Variants in LRRC49 observed in about 807,000 individuals in gnomAD.
LRRC49 encodes leucine-rich repeat-containing protein 49.
In LRRC49, 50 loss-of-function variants were observed where a neutral mutation model predicts 83.3. That is an observed-to-expected ratio of 0.60 (90% CI 0.48 to 0.76). The LOEUF is 0.76. Among genes scored for constraint, LRRC49 ranks in the 30% least tolerant of loss-of-function variants. The probability of loss-of-function intolerance (pLI) is 0.00; values close to 1 mark genes in which losing one functional copy is unlikely to be tolerated. For synonymous variants in LRRC49, 286 were observed against 283.3 expected, an observed-to-expected ratio of 1.01 and a Z score of -0.10; for missense variants, 704 against 809.1, an observed-to-expected ratio of 0.87 and a Z score of 1.58.
intron 8 of LRRC49, among the ~76,000 whole-genome samples, chr15:70,945,813 A>T (rs920384716): frequency 6.6e-6 from 1 of 152,126 alleles, no homozygotes; most frequent in Non-Finnish European, 1.5e-5. Flanking sequence ...TCTGGAAGTG[A>T]AACAGTTAGG....
intron 8 of LRRC49, among the ~76,000 whole-genome samples, chr15:70,959,723 T>C (rs575920264): frequency 3.9e-5 from 6 of 152,280 alleles, no homozygotes; most frequent in Admixed American, 3.9e-4. Context: ...AGGTTATTTA[T>C]AGATATCAAC....
Position 71,008,634 on chromosome 15 carries a change from G to A in LRRC49, c.1407+18G>A, listed in dbSNP as rs529702898. On this transcript the variant is annotated intron_variant, in intron 12 of 15. Transcript: ENST00000260382. ...ATTCTCTGGTAAATATTTCCTTTTAGTAGTATATTTGAATATTCTTAGTCA... is the reference window on the plus strand; with the variant it reads ...ATTCTCTGGTAAATATTTCCTTTTAATAGTATATTTGAATATTCTTAGTCA... 3.4e-5 allele frequency: 53 copies of A among 1,557,212 alleles called. No individual in the cohort carries two copies. The highest frequency in any genetic ancestry group is 4.2e-5 in the Non-Finnish European group (48 of 1,130,134).
At chr15:71,033,201 A>G (rs1203645637) in intron 14 of LRRC49, among the ~76,000 whole-genome samples, 1 of 152,238 alleles carries the variant, frequency 6.6e-6, no homozygotes, top group Non-Finnish European at 1.5e-5. Flanking sequence ...AATTGCAAGC[A>G]TTCCTACACA....
chr15:70,929,087 T>G (rs1394038377), intron 7 of LRRC49, among the ~76,000 whole-genome samples: 1 of 152,240 alleles, frequency 6.6e-6, no homozygotes, highest in Non-Finnish European at 1.5e-5. Flanking sequence ...AACTTTATCC[T>G]CAATTTATCT....
At chr15:70,937,952 AT>A (rs983616595) in intron 8 of LRRC49, among the ~76,000 whole-genome samples, 2 of 151,790 alleles carry the variant, frequency 1.3e-5, no homozygotes, top group African/African-American at 2.4e-5. Context: ...AGGGTCACTC[AT>A]TTTTTTTAGG....
intron 2 of LRRC49, among the ~76,000 whole-genome samples, chr15:70,879,205 CT>C (rs1402933388): frequency 6.6e-6 from 1 of 152,116 alleles, no homozygotes; most frequent in Non-Finnish European, 1.5e-5. Flanking sequence ...CCATTTGGTT[CT>C]TTTTTTAGTT....
chr15:70,866,928 C>A (rs2032926096), intron 1 of LRRC49, among the ~76,000 whole-genome samples: 1 of 151,768 alleles, frequency 6.6e-6, no homozygotes, highest in Non-Finnish European at 1.5e-5. Context: ...GGCCTGAACT[C>A]CAGATCGACT....
intron 13 of LRRC49, 22 bp from the exon 14 acceptor site, chr15:71,012,782 C>G (rs373712170): frequency 7.1e-7 from 1 of 1,398,666 alleles, no homozygotes; most frequent in Admixed American, 1.8e-5. Context: ...TTTTTTTACC[C>G]CTTTCTATTG....
At chr15:71,035,167 G>C (rs2039480691) in intron 14 of LRRC49, among the ~76,000 whole-genome samples, 1 of 151,860 alleles carries the variant, frequency 6.6e-6, no homozygotes, top group Non-Finnish European at 1.5e-5. Context: ...TATCACAATT[G>C]ATTTTTATTC....
At chr15:70,931,407 A>G (rs2035401743) in intron 7 of LRRC49, among the ~76,000 whole-genome samples, 1 of 152,170 alleles carries the variant, frequency 6.6e-6, no homozygotes, top group Admixed American at 6.5e-5. Context: ...GGATAATCAT[A>G]ACAAATATAA....
intron 9 of LRRC49, among the ~76,000 whole-genome samples, chr15:70,978,502 A>G (rs776596258): frequency 8.5e-5 from 13 of 152,198 alleles, no homozygotes; most frequent in Non-Finnish European, 1.6e-4. Flanking sequence ...CTATCTCACA[A>G]TGTGTCTTGG....
chr15:71,020,103 A>T (rs1007997382), intron 14 of LRRC49, among the ~76,000 whole-genome samples: 2 of 152,186 alleles, frequency 1.3e-5, no homozygotes, highest in Non-Finnish European at 2.9e-5. Context: ...AGAGAATAAG[A>T]AATTGCAAAA....
At chr15:70,886,741 C>G (rs746427864) in intron 2 of LRRC49, among the ~76,000 whole-genome samples, 1 of 152,002 alleles carries the variant, frequency 6.6e-6, no homozygotes, top group Admixed American at 6.5e-5. Flanking sequence ...TGGCAGGCAC[C>G]TGTAATCCCA....
At chr15:70,859,054 GC>G in intron 1 of LRRC49, 1 of 1,498,576 alleles carries the variant, frequency 6.7e-7, no homozygotes, top group Non-Finnish European at 9.3e-7. Flanking sequence ...TCCTGGAGCA[GC>G]AGAACAAGAT....
chr15:70,853,991 T>A, intron 1 of LRRC49: 1 of 1,464,712 alleles, frequency 6.8e-7, no homozygotes, highest in Non-Finnish European at 9.1e-7. Context: ...CTCCTCCTCG[T>A]CCTCCAACTC....
chr15:70,999,814 G>A (rs1177625560), intron 11 of LRRC49, among the ~76,000 whole-genome samples: 1 of 152,096 alleles, frequency 6.6e-6, no homozygotes, highest in Non-Finnish European at 1.5e-5. Context: ...ACTATCCTTT[G>A]TCCAATGTGG....
intron 14 of LRRC49, among the ~76,000 whole-genome samples, chr15:71,034,031 AAAGGGG>A: frequency 6.6e-6 from 1 of 152,334 alleles, no homozygotes; most frequent in Non-Finnish European, 1.5e-5. Flanking sequence ...AAAAATTGAC[AAAGGGG>A]ATCTAAACAA....
upstream of LRRC49, among the ~76,000 whole-genome samples, chr15:70,888,196 C>T (rs1304600926): frequency 6.6e-6 from 1 of 152,088 alleles, no homozygotes; most frequent in Non-Finnish European, 1.5e-5. Flanking sequence ...TGAAATGTAT[C>T]TAGAAATCTA....
chr15:70,961,234 T>TTGGAG (rs2036592288), intron 8 of LRRC49, among the ~76,000 whole-genome samples: 1 of 152,138 alleles, frequency 6.6e-6, no homozygotes, highest in Admixed American at 6.5e-5. Context: ...TATGTACCTC[T>TTGGAG]TGGAGTCACT....
Sources: allele counts gnomAD v4.1 joint callset (sites outside exome capture counted in the v4.1 genomes callset), GRCh38; gene constraint gnomAD v4.1.1; transcripts MANE v1.5; gene names NCBI Gene and HGNC (gene_info 2026-07-23, HGNC 2026-07-21).